Variants in COX7C observed in about 807,000 individuals in gnomAD.
COX7C encodes cytochrome c oxidase subunit 7C.
In COX7C, 1 loss-of-function variant was observed where a neutral mutation model predicts 6.4. The observed-to-expected ratio is 0.16, with a 90% CI of 0.06 to 0.74. COX7C has a LOEUF of 0.74. Among genes scored for constraint, COX7C ranks in the 30% least tolerant of loss-of-function variants. The probability of loss-of-function intolerance (pLI) is 0.78; values close to 1 mark genes in which losing one functional copy is unlikely to be tolerated. For synonymous variants in COX7C, 24 were observed against 28.9 expected, an observed-to-expected ratio of 0.83 and a Z score of 0.54; for missense variants, 54 against 73.7, an observed-to-expected ratio of 0.73 and a Z score of 0.98.
rs1214071042 is a variant in COX7C, at chr5:86,619,470, G to A, written c.*1G>A. On this transcript the variant is annotated 3_prime_UTR_variant, in exon 2 of 3. Coordinates refer to ENST00000247655, the MANE Select transcript of COX7C (RefSeq NM_001867.3). The stretch of plus-strand genomic sequence containing the variant: ...AAGACACCAACTGCTTAAAACATAA[G>A]GATGTTTCAGTTCCTCCATTTAACA... 1.9e-6 allele frequency: 3 copies of A among 1,572,496 alleles called. No homozygotes were observed. The highest frequency in any genetic ancestry group is 2.2e-5 in the East Asian group (1 of 44,630).
chr5:86,618,317 A>G (rs770481773), intron 1 of COX7C, 187 bp downstream of exon 1: 11 of 601,052 alleles, frequency 1.8e-5, no homozygotes, highest in Non-Finnish European at 3.0e-5. Flanking sequence ...CGTAGCCGCT[A>G]AAGGAATGGG....
chr5:86,618,029 G>A lies in COX7C; in HGVS notation c.-27G>A. On this transcript the variant is annotated 5_prime_UTR_variant, in exon 1 of 3. Coordinates refer to ENST00000247655, the MANE Select transcript of COX7C (RefSeq NM_001867.3). Reference sequence around the variant, plus strand: ...CATTTCATCTGTCCTCATTCTCTGCGCCTTTCGCAGAGCTTCCAGCAGCGG... The same window carrying A: ...CATTTCATCTGTCCTCATTCTCTGCACCTTTCGCAGAGCTTCCAGCAGCGG... 6.2e-7 allele frequency: 1 copy of A among 1,611,906 alleles called. No homozygotes were observed. Among genetic ancestry groups the A allele is most frequent in the East Asian group, 2.2e-5 (1 of 44,874 alleles).
chr5:86,619,735 C>T, intron 2 of COX7C: 1 of 310,082 alleles, frequency 3.2e-6, no homozygotes, highest in Admixed American at 4.4e-5. Flanking sequence ...CTCATGTTCT[C>T]TAGCAAGCTT....
At position 86,617,969 on chromosome 5, in the gene COX7C, A is replaced by G; in HGVS notation, c.-87A>G. 2 of 1,247,014 alleles carry G rather than the reference A, an allele frequency of 1.6e-6. No individual in the cohort carries two copies. Among genetic ancestry groups the G allele is most frequent in the Non-Finnish European group, 2.3e-6 (2 of 856,728 alleles). 77.2% of individuals were successfully genotyped at this position (1,247,014 alleles called of 1,614,324 possible). On this transcript the variant is annotated 5_prime_UTR_variant, in exon 1 of 3. Transcript: ENST00000247655. ...TTCAGTCCTTGCGCACCGGGGAACA[A>G]GGTCGTGAAAAAAAAGGTCTTGGTG... is the stretch of plus-strand genomic sequence containing the variant.
chr5:86,618,185 C>G (rs530665895), intron 1 of COX7C, 55 bp downstream of exon 1: 1 of 1,539,404 alleles, frequency 6.5e-7, no homozygotes, highest in African/African-American at 1.4e-5. Context: ...GGCTGTGACT[C>G]GCGCACCTGC....
At chr5:86,618,201 C>A in intron 1 of COX7C, 71 bp downstream of exon 1, 1 of 1,406,190 alleles carries the variant, frequency 7.1e-7, no homozygotes, top group Non-Finnish European at 1.0e-6. Context: ...CCTGCAAGGC[C>A]GCCTCCGGGC....
At chr5:86,619,202 G>A in intron 1 of COX7C, 151 bp from the exon 2 acceptor site, 1 of 606,938 alleles carries the variant, frequency 1.6e-6, no homozygotes, top group Non-Finnish European at 3.0e-6. Flanking sequence ...GGATTTGAAA[G>A]ATAAATGTTT....
At chr5:86,618,280 C>G (rs551686804) in intron 1 of COX7C, 150 bp downstream of exon 1, 1 of 702,024 alleles carries the variant, frequency 1.4e-6, no homozygotes, top group Non-Finnish European at 2.5e-6. Flanking sequence ...AGCCCAAGGA[C>G]CAGTGAGGAA....
chr5:86,619,267 A>G (rs1750067564), intron 1 of COX7C, 86 bp from the exon 2 acceptor site: 1 of 804,804 alleles, frequency 1.2e-6, no homozygotes, highest in Non-Finnish European at 2.2e-6. Context: ...AAATATAACT[A>G]GCATTTCCTG....
At chr5:86,618,699 A>G (rs1477521481) in intron 1 of COX7C, among the ~76,000 whole-genome samples, 1 of 152,166 alleles carries the variant, frequency 6.6e-6, no homozygotes, top group African/African-American at 2.4e-5. Context: ...CAAACAAAAA[A>G]AACTGTGGGC....
intron 1 of COX7C, 83 bp from the exon 2 acceptor site, chr5:86,619,270 A>G: frequency 2.4e-6 from 2 of 822,682 alleles, no homozygotes; most frequent in South Asian, 1.4e-5. Flanking sequence ...TATAACTAGC[A>G]TTTCCTGTAT....
intron 1 of COX7C, 60 bp downstream of exon 1, chr5:86,618,190 A>T: frequency 2.6e-6 from 4 of 1,511,710 alleles, no homozygotes; most frequent in Non-Finnish European, 3.7e-6. Context: ...TGACTCGCGC[A>T]CCTGCAAGGC....
At chr5:86,618,226 T>C (rs909694479) in intron 1 of COX7C, 96 bp downstream of exon 1, 76 of 1,149,592 alleles carry the variant, frequency 6.6e-5, no homozygotes, top group Middle Eastern at 5.9e-4. Flanking sequence ...GCGTGGGAGA[T>C]GATAGCCAGA....
chr5:86,618,370 C>T, intron 1 of COX7C: 1 of 496,996 alleles, frequency 2.0e-6, no homozygotes, highest in East Asian at 3.7e-5. Context: ...CACCTGACGC[C>T]CCCTCCCCCG....
chr5:86,617,989 T>C lies in COX7C; in HGVS notation c.-67T>C. 21 of 1,498,346 alleles carry C rather than the reference T, an allele frequency of 1.4e-5. No individual in the cohort carries two copies. The highest frequency in any genetic ancestry group is 1.9e-6 in the Non-Finnish European group (2 of 1,078,320). The allele number at this position is 1,498,346 out of a possible 1,614,324, so 92.8% of individuals were successfully genotyped here. ...GAACAAGGTCGTGAAAAAAAAGGTC[T>C]TGGTGAGGTGCCGCCATTTCATCTG... On this transcript the variant is annotated 5_prime_UTR_variant, in exon 1 of 3. Transcript: ENST00000247655.
chr5:86,618,079 G>T lies in COX7C; in HGVS notation c.24G>T (p.Arg8Ser), dbSNP rs745870022. 1.2e-6 allele frequency: 2 copies of T among 1,613,904 alleles called. No homozygotes were observed. The highest frequency in any genetic ancestry group is 1.3e-5 in the African/African-American group (1 of 74,928). Residue 8 changes from arginine to serine, a missense_variant, in exon 1 of 3, where the codon AGG (arginine) becomes AGT (serine). Coordinates refer to ENST00000247655, the MANE Select transcript of COX7C (RefSeq NM_001867.3). MLGQSIR[R>S]FTTSVVRRSH... Reference sequence around the variant, plus strand: ...GTATGTTGGGCCAGAGCATCCGGAGGTTCACAACCTCTGTGGTCCGTAGGA... The same window carrying T: ...GTATGTTGGGCCAGAGCATCCGGAGTTTCACAACCTCTGTGGTCCGTAGGA...
At chr5:86,619,127 A>G (rs1316372915) in intron 1 of COX7C, among the ~76,000 whole-genome samples, 2 of 152,180 alleles carry the variant, frequency 1.3e-5, no homozygotes, top group Non-Finnish European at 2.9e-5. Flanking sequence ...AAGACCATTC[A>G]TTGCCTAGTG....
At position 86,620,691 on chromosome 5, in the gene COX7C, G is replaced by A. The variant is rs777892298; in HGVS notation, c.*51G>A. 17 of 426,594 alleles carry A rather than the reference G, an allele frequency of 4.0e-5. No individual in the cohort carries two copies. Among genetic ancestry groups the A allele is most frequent in the South Asian group, 2.8e-4 (17 of 61,274 alleles). The allele number at this position is 426,594 out of a possible 1,614,324, so 26.4% of individuals were successfully genotyped here. On this transcript the variant is annotated 3_prime_UTR_variant, in exon 3 of 3. Transcript: ENST00000247655. ...AGATATGAAGAGCATTTTAAGAGGT[G>A]CAGCCTCTGGAAGTGGATCAAACTA...
chr5:86,618,174 T>G (rs1005196971), intron 1 of COX7C, 44 bp downstream of exon 1: 2 of 1,583,216 alleles, frequency 1.3e-6, no homozygotes, highest in Non-Finnish European at 1.7e-6. Context: ...AGGGGGCGCT[T>G]GGCTGTGACT....
Sources: gnomAD v4.1 joint callset for allele counts (sites outside exome capture counted in the v4.1 genomes callset) on GRCh38, gnomAD v4.1.1 for gene constraint, MANE v1.5 for transcripts, NCBI Gene and HGNC (gene_info 2026-07-23, HGNC 2026-07-21) for gene names.